MGAT4C: variants seen among roughly 807,000 people sequenced by gnomAD.
The protein encoded by MGAT4C is alpha-1,3-mannosyl-glycoprotein 4-beta-N-acetylglucosaminyltransferase C.
A neutral mutation model predicts 40.1 loss-of-function variants in MGAT4C; 19 were observed. The ratio of observed to expected loss-of-function variants is 0.47; its 90% CI spans 0.33 to 0.70. The LOEUF (loss-of-function observed/expected upper bound fraction) is 0.70, where lower values mean the gene tolerates loss of function less well. Ranked by LOEUF, MGAT4C falls within the 30% of genes least tolerant of loss-of-function variation. MGAT4C has a pLI of 0.02. For synonymous variants in MGAT4C, 181 were observed against 187.1 expected, an observed-to-expected ratio of 0.97 and a Z score of 0.27; for missense variants, 491 against 563.2, an observed-to-expected ratio of 0.87 and a Z score of 1.30.
At chr12:86,565,940 C>A (rs937373635) in intron 2 of MGAT4C, among the ~76,000 whole-genome samples, 3 of 152,150 alleles carry the variant, frequency 2.0e-5, no homozygotes, top group Non-Finnish European at 4.4e-5. Flanking sequence ...CCAAGGCTGA[C>A]CTGGCTACAG....
intron 1 of MGAT4C, among the ~76,000 whole-genome samples, chr12:86,738,382 T>C (rs965855472): frequency 6.6e-6 from 1 of 151,496 alleles, no homozygotes; most frequent in African/African-American, 2.4e-5. Flanking sequence ...TTGTATCACT[T>C]GCTACTATTC....
At chr12:86,508,611 C>A (rs1477292990) in intron 2 of MGAT4C, among the ~76,000 whole-genome samples, 2 of 151,526 alleles carry the variant, frequency 1.3e-5, no homozygotes, top group Admixed American at 6.6e-5. Context: ...ATTTCTAGTT[C>A]TAGATCCCTG....
intron 2 of MGAT4C, among the ~76,000 whole-genome samples, chr12:86,548,736 G>T (rs183482863): frequency 7.2e-4 from 109 of 152,140 alleles, no homozygotes; most frequent in African/African-American, 2.5e-3. Flanking sequence ...ATTACTAGCT[G>T]GGCCATAGTC....
At chr12:86,584,570 A>T (rs1960927639) in intron 2 of MGAT4C, among the ~76,000 whole-genome samples, 1 of 151,428 alleles carries the variant, frequency 6.6e-6, no homozygotes, top group African/African-American at 2.4e-5. Context: ...TGTATTTCAA[A>T]TAAAGTATAA....
chr12:86,244,914 A>G (rs968018326), intron 1 of MGAT4C, among the ~76,000 whole-genome samples: 3 of 152,200 alleles, frequency 2.0e-5, no homozygotes, highest in African/African-American at 4.8e-5. Context: ...TTTATCCAGC[A>G]TGTACTGTGT....
chr12:86,104,570 G>C (rs2135610451), intron 1 of MGAT4C, among the ~76,000 whole-genome samples: 1 of 152,268 alleles, frequency 6.6e-6, no homozygotes, highest in East Asian at 1.9e-4. Context: ...TAACAAGCTG[G>C]AAGAAAAAGA....
intron 1 of MGAT4C, among the ~76,000 whole-genome samples, chr12:86,793,777 TG>T (rs1342723634): frequency 6.6e-6 from 1 of 152,048 alleles, no homozygotes; most frequent in Non-Finnish European, 1.5e-5. Context: ...GAACAATAAA[TG>T]ATTAGAGATT....
intron 1 of MGAT4C, among the ~76,000 whole-genome samples, chr12:86,829,138 G>T (rs916427945): frequency 2.9e-4 from 44 of 151,340 alleles, no homozygotes; most frequent in African/African-American, 1.0e-3. Flanking sequence ...CCCATTCTTA[G>T]TTTGCCTTAA....
At chr12:86,307,712 A>AT (rs926165196) in intron 4 of MGAT4C, among the ~76,000 whole-genome samples, 10 of 149,310 alleles carry the variant, frequency 6.7e-5, no homozygotes, top group South Asian at 2.1e-4. Context: ...TTATTTATTT[A>AT]TTTTTTTTGA....
intron 2 of MGAT4C, among the ~76,000 whole-genome samples, chr12:86,710,752 C>A (rs1950542084): frequency 6.6e-6 from 1 of 152,156 alleles, no homozygotes; most frequent in Admixed American, 6.5e-5. Flanking sequence ...TTTATAGCAG[C>A]ACAATTCGCA....
intron 2 of MGAT4C, among the ~76,000 whole-genome samples, chr12:86,646,205 G>A (rs897533668): frequency 6.6e-6 from 1 of 151,850 alleles, no homozygotes; most frequent in African/African-American, 2.4e-5. Flanking sequence ...TATTAGCGAA[G>A]CAGCATTGGT....
intron 4 of MGAT4C, among the ~76,000 whole-genome samples, chr12:86,274,491 A>C (rs932712236): frequency 2.6e-5 from 4 of 152,152 alleles, no homozygotes; most frequent in African/African-American, 9.7e-5. Flanking sequence ...ACATAATGTA[A>C]AGCAATAGAG....
At chr12:86,136,511 C>T (rs1806517532) in intron 1 of MGAT4C, among the ~76,000 whole-genome samples, 1 of 152,176 alleles carries the variant, frequency 6.6e-6, no homozygotes, top group African/African-American at 2.4e-5. Flanking sequence ...TAAGATTAGA[C>T]AAGCAGTTAC....
chr12:86,095,093 A>G (rs892214156), intron 1 of MGAT4C, among the ~76,000 whole-genome samples: 1 of 152,122 alleles, frequency 6.6e-6, no homozygotes, highest in East Asian at 1.9e-4. Flanking sequence ...CATTTTCTAG[A>G]TTTACATACT....
chr12:86,002,904 G>A (rs1887489653), intron 2 of MGAT4C, among the ~76,000 whole-genome samples: 1 of 151,998 alleles, frequency 6.6e-6, no homozygotes, highest in Non-Finnish European at 1.5e-5. Flanking sequence ...GAGTTCAAGG[G>A]ATACTCTTGC....
chr12:86,804,466 A>T (rs1362622764), intron 1 of MGAT4C, among the ~76,000 whole-genome samples: 1 of 151,552 alleles, frequency 6.6e-6, no homozygotes, highest in Non-Finnish European at 1.5e-5. Flanking sequence ...AGAAGAAAAA[A>T]ATATATATTT....
At chr12:86,718,610 T>G (rs1007909890) in intron 2 of MGAT4C, among the ~76,000 whole-genome samples, 1 of 152,124 alleles carries the variant, frequency 6.6e-6, no homozygotes, top group Non-Finnish European at 1.5e-5. Flanking sequence ...CATGGACCAC[T>G]ACCCATCTGT....
Position 86,811,028 on chromosome 12 carries a change from A to AGCAATGTAAGC in MGAT4C, c.-262+27637_-262+27638insGCTTACATTGC, listed in dbSNP as rs1566006314. Among the ~76,000 whole-genome samples, 110 of 83,936 alleles carry AGCAATGTAAGC rather than the reference A, an allele frequency of 1.3e-3. 3 individuals carry two copies. The highest frequency in any genetic ancestry group is 2.1e-3 in the South Asian group (5 of 2,344). 55.1% of individuals were successfully genotyped at this position (83,936 alleles called of 152,430 possible). On this transcript the variant is annotated intron_variant, in intron 1 of 7. Coordinates refer to the MGAT4C transcript ENST00000548651. The stretch of plus-strand genomic sequence containing the variant: ...TTTTGATTTGAGACTAGTCCTTGTC[A>AGCAATGTAAGC]AAGATTTTATATTTGACATAAACTA...
At chr12:86,792,408 C>T (rs1952038693) in intron 1 of MGAT4C, among the ~76,000 whole-genome samples, 1 of 152,006 alleles carries the variant, frequency 6.6e-6, no homozygotes, top group Admixed American at 6.6e-5. Flanking sequence ...TTAGCCTTTA[C>T]CCAGGTAAAG....
Sources: gnomAD v4.1 joint callset for allele counts (sites outside exome capture counted in the v4.1 genomes callset) on GRCh38, gnomAD v4.1.1 for gene constraint, MANE v1.5 for transcripts, NCBI Gene and HGNC (gene_info 2026-07-23, HGNC 2026-07-21) for gene names.